Variants in LOXHD1 observed in about 807,000 individuals in gnomAD.
The protein encoded by LOXHD1 is lipoxygenase homology PLAT domains 1.
LOXHD1 carries 205 observed loss-of-function variants against 248.2 expected under a neutral mutation model. The observed-to-expected ratio is 0.83, with a 90% CI of 0.74 to 0.93. The LOEUF is 0.93. Among genes scored for constraint, LOXHD1 ranks in the 40% least tolerant of loss-of-function variants. The pLI is 0.00. For missense variants in LOXHD1, 2,930 were observed against 2,971.6 expected (o/e 0.99, Z 0.33); for synonymous variants, 1,113 against 1,162.8 (o/e 0.96, Z 0.87).
At chr18:46,569,407 G>A in intron 16 of LOXHD1, 35 bp downstream of exon 16, 1 of 1,528,110 alleles carries the variant, frequency 6.5e-7, no homozygotes, top group Middle Eastern at 1.8e-4. Context: ...GAAATGGGTG[G>A]GATGATGTCA....
chr18:46,486,388 C>G (rs2033054065), intron 38 of LOXHD1, among the ~76,000 whole-genome samples: 1 of 152,166 alleles, frequency 6.6e-6, no homozygotes, highest in Non-Finnish European at 1.5e-5. Context: ...CACCCTTTTG[C>G]CTCTGTAACT....
chr18:46,650,198 C>A (rs375636606), intron 1 of LOXHD1, among the ~76,000 whole-genome samples: 44 of 152,266 alleles, frequency 2.9e-4, no homozygotes, highest in African/African-American at 1.0e-3. Context: ...CAGCTCATTC[C>A]ATTATGAGAT....
chr18:46,555,379 T>C lies in LOXHD1; in HGVS notation c.3350+1977A>G. On this transcript the variant is annotated intron_variant, in intron 21 of 40. Coordinates refer to ENST00000642948, the MANE Select transcript of LOXHD1 (RefSeq NM_001384474.1). ...AGGTCAGGACCCTGGTTCCCAGCCATGGGGCTGTCCTACGGTCTTTATGTG... is the reference window on the plus strand; with the variant it reads ...AGGTCAGGACCCTGGTTCCCAGCCACGGGGCTGTCCTACGGTCTTTATGTG... 5.9e-6 allele frequency: 2 copies of C among 338,510 alleles called. 1 individual carries two copies. Among genetic ancestry groups the C allele is most frequent in the South Asian group, 4.8e-5 (2 of 41,842 alleles). 21.0% of individuals were successfully genotyped at this position (338,510 alleles called of 1,614,324 possible). A position where few individuals can be genotyped will look rare whatever the true frequency, so the allele number is the denominator to read the frequency against.
intron 3 of LOXHD1, among the ~76,000 whole-genome samples, chr18:46,641,566 G>T (rs908103446): frequency 6.6e-6 from 1 of 152,146 alleles, no homozygotes; most frequent in Non-Finnish European, 1.5e-5. Context: ...GGTTATCACC[G>T]ATGAGGCACC....
rs574369643 is a variant in LOXHD1 at position 46,547,018 on chromosome 18, C to T, written c.3391G>A (p.Asp1131Asn). The T allele has an allele frequency of 1.3e-6, 2 of 1,551,816 alleles. No homozygotes were observed. Among genetic ancestry groups the T allele is most frequent in the East Asian group, 2.4e-5 (1 of 40,930 alleles). Residue 1131 changes from aspartate to asparagine, a missense_variant, in exon 22 of 41, where the codon GAT becomes AAT. Transcript: ENST00000642948. ...AGCTCCCTGGACAGCTGGCCATCAT[C>T]TTCCTCCACTGCCAGCCAACGTTGG... ...PCQRWLAVEEDDGQLSRELLP... is the reference protein window; with the variant it reads ...PCQRWLAVEENDGQLSRELLP...
intron 35 of LOXHD1, 128 bp downstream of exon 35, chr18:46,509,570 G>T: frequency 1.3e-6 from 1 of 747,522 alleles, no homozygotes. Context: ...GGATCATATG[G>T]GCTGGGTTCA....
In LOXHD1 at chr18:46,627,748, C is replaced by T. The variant is rs77510779; in HGVS notation, c.512-9458G>A. On this transcript the variant is annotated intron_variant, in intron 4 of 40. Transcript: ENST00000642948. ...CAGAGCTCATTTCCCCAAGTGCCCT[C>T]ATTTCATTTCAAATCCTAGAAAACT... is the stretch of plus-strand genomic sequence containing the variant. Among the ~76,000 whole-genome samples the T allele has an allele frequency of 4.0e-4, 61 of 152,224 alleles. No homozygotes were observed. The East Asian group carries it at 0.011, about 28-fold the overall frequency.
chr18:46,556,094 G>A (rs1466725900), intron 21 of LOXHD1, among the ~76,000 whole-genome samples: 5 of 150,110 alleles, frequency 3.3e-5, no homozygotes, highest in Non-Finnish European at 7.4e-5. Flanking sequence ...GTCCAACACT[G>A]AAATTTGAAA....
chr18:46,494,897 A>T (rs1371732483), intron 37 of LOXHD1, among the ~76,000 whole-genome samples: 1 of 114,542 alleles, frequency 8.7e-6, no homozygotes, highest in East Asian at 2.4e-4. Flanking sequence ...TCTGTCGCCC[A>T]GGCTGGAGTG....
At chr18:46,596,512 T>C (rs1411292691) in intron 8 of LOXHD1, among the ~76,000 whole-genome samples, 1 of 152,134 alleles carries the variant, frequency 6.6e-6, no homozygotes, top group African/African-American at 2.4e-5. Flanking sequence ...AAATGGAGAT[T>C]CCAAACTGGA....
chr18:46,576,391 C>T (rs538788791), intron 14 of LOXHD1, among the ~76,000 whole-genome samples: 51 of 152,176 alleles, frequency 3.4e-4, no homozygotes, highest in African/African-American at 1.2e-3. Flanking sequence ...CCACCCCAGC[C>T]TTCTCACTCC....
At chr18:46,611,158 A>C (rs2038502542) in intron 5 of LOXHD1, among the ~76,000 whole-genome samples, 1 of 152,166 alleles carries the variant, frequency 6.6e-6, no homozygotes, top group African/African-American at 2.4e-5. Context: ...CTTACTCTAG[A>C]GTCCCGATCC....
chr18:46,546,095 AG>A (rs2036810822), intron 22 of LOXHD1, among the ~76,000 whole-genome samples: 1 of 152,060 alleles, frequency 6.6e-6, no homozygotes, highest in Non-Finnish European at 1.5e-5. Flanking sequence ...TGAGGGTCAG[AG>A]GCTCAGCAGC....
intron 21 of LOXHD1, among the ~76,000 whole-genome samples, chr18:46,551,951 C>T (rs532506661): frequency 1.3e-5 from 2 of 152,150 alleles, no homozygotes; most frequent in East Asian, 3.8e-4. Flanking sequence ...AAGCTAGACA[C>T]AAAAAGACAA....
intron 16 of LOXHD1, among the ~76,000 whole-genome samples, chr18:46,568,728 C>T (rs1006276450): frequency 6.6e-6 from 1 of 152,228 alleles, no homozygotes; most frequent in African/African-American, 2.4e-5. Flanking sequence ...TTACCCTCCC[C>T]TTATTCCCTC....
intron 25 of LOXHD1, among the ~76,000 whole-genome samples, chr18:46,539,913 T>C (rs1009451197): frequency 3.3e-5 from 5 of 152,224 alleles, no homozygotes; most frequent in Non-Finnish European, 7.3e-5. Flanking sequence ...TTCTCTCTTG[T>C]GGCCCTAACC....
In LOXHD1 at chr18:46,522,098, C is replaced by T. The variant is rs1344337751; in HGVS notation, c.5085+3G>A. On this transcript the variant is annotated splice_donor_region_variant and intron_variant, in intron 32 of 40. Transcript: ENST00000642948. ...CTATCATGGGGCCCCGAGAAGCCAG[C>T]ACCTCTATTTTCTTGATGATGCCCA... The T allele has an allele frequency of 6.5e-7, 1 of 1,547,072 alleles. No individual in the cohort carries two copies. Among genetic ancestry groups the T allele is most frequent in the Non-Finnish European group, 8.7e-7 (1 of 1,144,618 alleles).
chr18:46,506,594 A>AG (rs1479295002), intron 36 of LOXHD1, among the ~76,000 whole-genome samples: 1 of 152,230 alleles, frequency 6.6e-6, no homozygotes, highest in Non-Finnish European at 1.5e-5. Flanking sequence ...TGCATCATAA[A>AG]GGGATGGAGG....
At chr18:46,581,411 T>C (rs946836889) in intron 12 of LOXHD1, among the ~76,000 whole-genome samples, 1 of 151,656 alleles carries the variant, frequency 6.6e-6, no homozygotes, top group Admixed American at 6.6e-5. Context: ...AGTAGGGGAG[T>C]CTTGGGGGAA....
Sources: gnomAD v4.1 joint callset for allele counts (sites outside exome capture counted in the v4.1 genomes callset) on GRCh38, gnomAD v4.1.1 for gene constraint, MANE v1.5 for transcripts, NCBI Gene and HGNC (gene_info 2026-07-23, HGNC 2026-07-21) for gene names.